ARHGEF3: variants seen among roughly 807,000 people sequenced by gnomAD.
ARHGEF3 encodes the protein 59.8 kDA protein.
A neutral mutation model predicts 63.2 loss-of-function variants in ARHGEF3; 28 were observed. The ratio of observed to expected loss-of-function variants is 0.44; its 90% CI spans 0.33 to 0.61. The LOEUF (loss-of-function observed/expected upper bound fraction) is 0.61. ARHGEF3 is among the 20% of genes least tolerant of loss of function. The pLI is 0.03. For missense variants in ARHGEF3, 533 were observed against 659.3 expected, an observed-to-expected ratio of 0.81 and a Z score of 2.10; for synonymous variants, 266 against 254.2, an observed-to-expected ratio of 1.05 and a Z score of -0.44.
At chr3:56,985,770 A>AATT (rs1701509694) in intron 2 of ARHGEF3, among the ~76,000 whole-genome samples, 1 of 86,110 alleles carries the variant, frequency 1.2e-5, no homozygotes, top group African/African-American at 3.6e-5. Context: ...GGCCAGAATG[A>AATT]ACAAGCAGGT....
chr3:56,834,746 CAAAA>C (rs763133636), intron 4 of ARHGEF3, among the ~76,000 whole-genome samples: 2 of 69,750 alleles, frequency 2.9e-5, no homozygotes, highest in Non-Finnish European at 3.1e-5. Context: ...CTCTGACTTA[CAAAA>C]AAAAAAAAAA....
At chr3:57,048,142 C>T (rs1428324527) in intron 1 of ARHGEF3, among the ~76,000 whole-genome samples, 1 of 152,134 alleles carries the variant, frequency 6.6e-6, no homozygotes, top group Non-Finnish European at 1.5e-5. Flanking sequence ...CCACCACCAC[C>T]CCGCCCTAAC....
At chr3:57,075,734 T>A (rs113338149) in intron 1 of ARHGEF3, among the ~76,000 whole-genome samples, 15,889 of 152,226 alleles carry the variant, frequency 0.1, 1,025 homozygotes, top group Non-Finnish European at 0.14. Context: ...TGCTTGAGCC[T>A]GAGAGGCAGA....
intron 4 of ARHGEF3, among the ~76,000 whole-genome samples, chr3:56,842,441 C>G (rs2108113915): frequency 6.6e-6 from 1 of 152,240 alleles, no homozygotes; most frequent in South Asian, 2.1e-4. Context: ...ATTTGACTCA[C>G]CAAGGAATGG....
intron 1 of ARHGEF3, among the ~76,000 whole-genome samples, chr3:57,065,810 C>T (rs887474360): frequency 6.6e-6 from 1 of 152,118 alleles, no homozygotes; most frequent in Admixed American, 6.6e-5. Context: ...ACAAATGCTG[C>T]ATTAGCACAC....
chr3:56,895,674 A>G (rs1441752652), intron 3 of ARHGEF3, among the ~76,000 whole-genome samples: 1 of 152,114 alleles, frequency 6.6e-6, no homozygotes, highest in Non-Finnish European at 1.5e-5. Context: ...TGTGTTAGCC[A>G]GGATGGTCTT....
At chr3:56,967,845 T>TATAATGACATATTA (rs1160107724) in intron 2 of ARHGEF3, among the ~76,000 whole-genome samples, 1 of 45,984 alleles carries the variant, frequency 2.2e-5, no homozygotes, top group Non-Finnish European at 3.8e-5. Flanking sequence ...AATTATATTA[T>TATAATGACATATTA]TATATAATAT....
At chr3:57,061,511 T>G (rs939975793) in intron 1 of ARHGEF3, among the ~76,000 whole-genome samples, 1 of 152,208 alleles carries the variant, frequency 6.6e-6, no homozygotes, top group Admixed American at 6.5e-5. Flanking sequence ...TGTATGTACA[T>G]ACCACATTTT....
intron 4 of ARHGEF3, among the ~76,000 whole-genome samples, chr3:56,854,993 C>A (rs147255926): frequency 6.6e-6 from 1 of 152,048 alleles, no homozygotes; most frequent in African/African-American, 2.4e-5. Flanking sequence ...TTATGTAGCA[C>A]ATGGCAGAGG....
At chr3:56,758,292 A>AG (rs2035217617) in intron 2 of ARHGEF3, among the ~76,000 whole-genome samples, 1 of 151,528 alleles carries the variant, frequency 6.6e-6, no homozygotes, top group African/African-American at 2.4e-5. Context: ...AGGAAAAAAA[A>AG]AAAAATAGAA....
At chr3:56,943,479 G>C (rs1258451414) in intron 3 of ARHGEF3, among the ~76,000 whole-genome samples, 1 of 152,152 alleles carries the variant, frequency 6.6e-6, no homozygotes, top group Non-Finnish European at 1.5e-5. Flanking sequence ...ACTGCTCACT[G>C]ACAATGCATC....
intron 2 of ARHGEF3, among the ~76,000 whole-genome samples, chr3:57,014,225 CCGAAGGAACAAACT>C (rs1452461141): frequency 6.6e-6 from 1 of 152,164 alleles, no homozygotes; most frequent in Non-Finnish European, 1.5e-5. Context: ...GTCTGAATAT[CCGAAGGAACAAACT>C]CCGGACACAC....
intron 4 of ARHGEF3, among the ~76,000 whole-genome samples, chr3:56,863,382 C>G (rs560439159): frequency 6.6e-6 from 1 of 152,142 alleles, no homozygotes; most frequent in South Asian, 2.1e-4. Context: ...TCACTGCAAC[C>G]TCTAAATCCC....
At chr3:56,966,983 C>T (rs1168522652) in intron 2 of ARHGEF3, among the ~76,000 whole-genome samples, 3 of 150,792 alleles carry the variant, frequency 2.0e-5, no homozygotes, top group African/African-American at 7.3e-5. Flanking sequence ...CCTACCTCAG[C>T]CTCCTGACTA....
rs572293898 is a variant in ARHGEF3 at position 56,809,511 on chromosome 3, T to C, written c.193-35695A>G. 3.9e-5 allele frequency among the ~76,000 whole-genome samples: 6 copies of C among 152,278 alleles called. No individual in the cohort carries two copies. The South Asian group carries it at 1.2e-3, about 32-fold the overall frequency. On this transcript the variant is annotated intron_variant, in intron 4 of 12. Transcript: ENST00000338458. The stretch of plus-strand genomic sequence containing the variant: ...TGCACAGTTTGTATAAACAAAAACC[T>C]GTCTCACTGAAGATTTTGCAGTAAG...
chr3:57,035,046 T>A (rs754327470), intron 2 of ARHGEF3: 120 of 1,470,968 alleles, frequency 8.2e-5, no homozygotes, highest in Non-Finnish European at 9.9e-5. Context: ...CATACAGGAA[T>A]TTTAAAATTT....
At chr3:57,028,980 GACACACAC>G (rs58006138) in intron 2 of ARHGEF3, among the ~76,000 whole-genome samples, 6 of 142,146 alleles carry the variant, frequency 4.2e-5, no homozygotes, top group South Asian at 2.3e-4. Context: ...TAATGGTGAA[GACACACAC>G]ACACACACAC....
At chr3:57,004,943 G>C (rs1202048250) in intron 2 of ARHGEF3, among the ~76,000 whole-genome samples, 1 of 151,910 alleles carries the variant, frequency 6.6e-6, no homozygotes, top group African/African-American at 2.4e-5. Flanking sequence ...CTGAGTGACA[G>C]AGCAAGACTC....
At chr3:56,755,700 A>G (rs1206932321) in intron 2 of ARHGEF3, among the ~76,000 whole-genome samples, 1 of 151,982 alleles carries the variant, frequency 6.6e-6, no homozygotes, top group South Asian at 2.1e-4. Context: ...AATTTGTCAC[A>G]TGAGTTACGG....
Sources: gnomAD v4.1 joint callset for allele counts (sites outside exome capture counted in the v4.1 genomes callset) on GRCh38, gnomAD v4.1.1 for gene constraint, MANE v1.5 for transcripts, NCBI Gene and HGNC (gene_info 2026-07-23, HGNC 2026-07-21) for gene names.